DTD1: variants seen among roughly 807,000 people sequenced by gnomAD.
The protein encoded by DTD1 is D-tyrosyl-tRNA deacylase 1 homolog.
In DTD1, 13 loss-of-function variants were observed where a neutral mutation model predicts 25.6. The ratio of observed to expected loss-of-function variants is 0.51; its 90% CI spans 0.33 to 0.81. The LOEUF is 0.81. Among genes scored for constraint, DTD1 ranks in the 30% least tolerant of loss-of-function variants. The pLI, the probability that DTD1 is intolerant of heterozygous loss-of-function variation, is 0.02. For missense variants in DTD1, 193 were observed against 266.4 expected (o/e 0.72, Z 1.92); for synonymous variants, 110 against 103.6 (o/e 1.06, Z -0.37).
chr20:18,760,485 T>C (rs1447448975), intron 5 of DTD1, among the ~76,000 whole-genome samples: 2 of 152,134 alleles, frequency 1.3e-5, no homozygotes, highest in African/African-American at 4.8e-5. Context: ...TCTGTTGGAG[T>C]TTGCTGGAGG....
intron 4 of DTD1, among the ~76,000 whole-genome samples, chr20:18,719,233 G>A (rs976843477): frequency 5.4e-5 from 8 of 148,356 alleles, no homozygotes; most frequent in African/African-American, 2.0e-4. Flanking sequence ...CTGTGTGTGT[G>A]TGTATATATA....
intron 4 of DTD1, among the ~76,000 whole-genome samples, chr20:18,644,932 G>A (rs989368890): frequency 1.3e-5 from 2 of 152,206 alleles, no homozygotes; most frequent in Middle Eastern, 3.4e-3. Flanking sequence ...TATCGCATGA[G>A]CCCAGGAGTT....
chr20:18,765,995 GTTTAC>G lies in DTD1; in HGVS notation c.*2661_*2665del, dbSNP rs1157678500. 6.6e-6 allele frequency: 1 copy of G among 152,172 alleles called. No individual in the cohort carries two copies. The highest frequency in any genetic ancestry group is 1.9e-4 in the East Asian group (1 of 5,182). 9.4% of individuals were successfully genotyped at this position (152,172 alleles called of 1,614,324 possible). ...GACCCATTTAATCTTGCCTTTGGTG[GTTTAC>G]TTTACAGGAGACCAAGCTCTTGTGG... On this transcript the variant is annotated 3_prime_UTR_variant, in exon 6 of 6. Coordinates refer to ENST00000377452, the MANE Select transcript of DTD1 (RefSeq NM_080820.6).
rs41277146 is a variant in DTD1 at position 18,627,968 on chromosome 20, C to T, written c.371-159C>T. On this transcript the variant is annotated intron_variant, in intron 3 of 5. Coordinates refer to ENST00000377452, the MANE Select transcript of DTD1 (RefSeq NM_080820.6). ...GCCATGATTGTGAGGCCTTCCCAGC[C>T]GTGAGGAACTGTGAGTCCGTTAAAC... Among the ~76,000 whole-genome samples, 829 of 152,262 alleles carry T rather than the reference C, an allele frequency of 5.4e-3. 3 individuals carry two copies. Among genetic ancestry groups the T allele is most frequent in the Non-Finnish European group, 7.6e-3 (514 of 68,024 alleles).
rs55689427 is a variant in DTD1, at chr20:18,638,170, CCCATCCAT to C, written c.477+9975_477+9982del. 9.4e-3 allele frequency among the ~76,000 whole-genome samples: 1,416 copies of C among 150,560 alleles called. 13 individuals are homozygous for C. The highest frequency in any genetic ancestry group is 0.023 in the Admixed American group (348 of 15,136). On this transcript the variant is annotated intron_variant, in intron 4 of 5. Transcript: ENST00000377452. ...ATCCACCCATATGTCCCTCCATCTG[CCCATCCAT>C]CCATCCATCCATCCATCCATCCATC...
intron 4 of DTD1, among the ~76,000 whole-genome samples, chr20:18,729,905 C>G (rs138954778): frequency 1.3e-5 from 2 of 152,062 alleles, no homozygotes; most frequent in Non-Finnish European, 2.9e-5. Context: ...TTCTATTGCA[C>G]ATGTGTGTCC....
intron 4 of DTD1, among the ~76,000 whole-genome samples, chr20:18,699,714 G>A (rs1009596018): frequency 4.6e-5 from 7 of 152,148 alleles, no homozygotes; most frequent in Non-Finnish European, 1.0e-4. Context: ...GTGAGCATTT[G>A]GAAAGTACCA....
At chr20:18,671,553 A>G (rs952070051) in intron 4 of DTD1, among the ~76,000 whole-genome samples, 3 of 152,372 alleles carry the variant, frequency 2.0e-5, no homozygotes, top group Middle Eastern at 3.4e-3. Context: ...TATTTATTGC[A>G]TAAAGCATTA....
intron 4 of DTD1, among the ~76,000 whole-genome samples, chr20:18,638,651 G>T (rs969043865): frequency 6.6e-6 from 1 of 152,200 alleles, no homozygotes; most frequent in Non-Finnish European, 1.5e-5. Context: ...GTGACCTGGG[G>T]TTGATGGAAC....
chr20:18,727,503 C>A (rs73899874), intron 4 of DTD1, among the ~76,000 whole-genome samples: 1 of 151,916 alleles, frequency 6.6e-6, no homozygotes, highest in Admixed American at 6.5e-5. Context: ...AAGGAGAGGG[C>A]GGCCCTGGAA....
chr20:18,617,651 T>G (rs2122290126), intron 3 of DTD1, among the ~76,000 whole-genome samples: 1 of 152,300 alleles, frequency 6.6e-6, no homozygotes, highest in East Asian at 1.9e-4. Context: ...TTGCTCTCAT[T>G]CGTGTCTCTG....
At chr20:18,702,402 G>C (rs1568674574) in intron 4 of DTD1, among the ~76,000 whole-genome samples, 1 of 152,152 alleles carries the variant, frequency 6.6e-6, no homozygotes, top group Non-Finnish European at 1.5e-5. Flanking sequence ...TCATTTCCCA[G>C]ACTGGGCAGT....
rs562633170 is a variant in DTD1 at position 18,653,390 on chromosome 20, T to C, written c.477+25157T>C. ...GCCTGGGTGACAGAGTGAGACTCTG[T>C]CTCAAGACAAACAAACAGACTCATA... is the stretch of plus-strand genomic sequence containing the variant. On this transcript the variant is annotated intron_variant, in intron 4 of 5. Transcript: ENST00000377452. Among the ~76,000 whole-genome samples, 7 of 152,286 alleles carry C rather than the reference T, an allele frequency of 4.6e-5. No homozygotes were observed. The South Asian group carries it at 1.2e-3, about 27-fold the overall frequency.
In DTD1 at chr20:18,657,854, G is replaced by A. The variant is rs1941015523; in HGVS notation, c.477+29621G>A. Among the ~76,000 whole-genome samples the A allele has an allele frequency of 2.0e-5, 3 of 152,294 alleles. No individual in the cohort carries two copies. The South Asian group carries it at 6.2e-4, about 32-fold the overall frequency. Reference sequence around the variant, plus strand: ...TTGACGTGGCTTATGACATGGTGCTGAGTGAGCAGTTCAAGGTGGAGGCTA... The same window carrying A: ...TTGACGTGGCTTATGACATGGTGCTAAGTGAGCAGTTCAAGGTGGAGGCTA... On this transcript the variant is annotated intron_variant, in intron 4 of 5. Coordinates refer to ENST00000377452, the MANE Select transcript of DTD1 (RefSeq NM_080820.6).
At chr20:18,688,254 A>G (rs2061025561) in intron 4 of DTD1, among the ~76,000 whole-genome samples, 1 of 152,242 alleles carries the variant, frequency 6.6e-6, no homozygotes, top group African/African-American at 2.4e-5. Context: ...TTGGGATACC[A>G]TGATGAACAA....
At chr20:18,625,424 C>T (rs930010138) in intron 3 of DTD1, among the ~76,000 whole-genome samples, 7 of 152,252 alleles carry the variant, frequency 4.6e-5, no homozygotes, top group East Asian at 3.9e-4. Context: ...TTGAGCCAGG[C>T]GTCTGCTGCT....
At chr20:18,623,648 C>A (rs1056506496) in intron 3 of DTD1, among the ~76,000 whole-genome samples, 1 of 152,138 alleles carries the variant, frequency 6.6e-6, no homozygotes, top group Non-Finnish European at 1.5e-5. Context: ...CGCTTCTGCA[C>A]CCACCCTGGC....
intron 5 of DTD1, among the ~76,000 whole-genome samples, chr20:18,751,320 T>G (rs2061320730): frequency 6.6e-6 from 1 of 152,102 alleles, no homozygotes; most frequent in African/African-American, 2.4e-5. Flanking sequence ...CCCTGGAGTT[T>G]ACAATATACA....
At chr20:18,689,430 G>A (rs2061032978) in intron 4 of DTD1, among the ~76,000 whole-genome samples, 1 of 152,118 alleles carries the variant, frequency 6.6e-6, no homozygotes, top group Admixed American at 6.5e-5. Context: ...ACAGAAAAAG[G>A]GAATGAAATA....
Sources: allele counts gnomAD v4.1 joint callset (sites outside exome capture counted in the v4.1 genomes callset), GRCh38; gene constraint gnomAD v4.1.1; transcripts MANE v1.5; gene names NCBI Gene and HGNC (gene_info 2026-07-23, HGNC 2026-07-21).